The following WDR43 variants were observed in gnomAD, a reference collection of about 807,000 sequenced individuals.
The protein encoded by WDR43 is WD repeat domain 43.
WDR43 carries 13 observed loss-of-function variants against 91.4 expected under a neutral mutation model. The observed-to-expected ratio is 0.14, with a 90% CI of 0.09 to 0.23. The LOEUF is 0.23. Ranked by LOEUF, WDR43 falls within the 10% of genes least tolerant of loss-of-function variation. The pLI is 1.00. For synonymous variants in WDR43, 331 were observed against 287.9 expected (o/e 1.15, Z -1.51); for missense variants, 780 against 809.4 (o/e 0.96, Z 0.44).
In WDR43 at chr2:28,894,847, A is replaced by G. The variant is rs755625815; in HGVS notation, c.149A>G (p.Gln50Arg). 6.2e-7 allele frequency: 1 copy of G among 1,611,060 alleles called. No individual in the cohort carries two copies. The highest frequency in any genetic ancestry group is 8.5e-7 in the Non-Finnish European group (1 of 1,178,786). ...VWETANNRLH[Q>R]EYVPSAHLSG... ...GAGACGGCCAACAACCGGCTGCACC[A>G]GGAGTACGTGCCTTCCGCGCACCTC... is the stretch of plus-strand genomic sequence containing the variant. Residue 50 changes from glutamine (Q) to arginine (R), a missense_variant, in exon 1 of 18, where the codon CAG (glutamine) becomes CGG (arginine). This residue lies in a region of WDR43 where 175 missense variants were observed against 113.8 expected (regional missense o/e 1.54). Coordinates refer to ENST00000407426, the MANE Select transcript of WDR43 (RefSeq NM_015131.3).
At position 28,927,689 on chromosome 2, in the gene WDR43, G is replaced by C; in HGVS notation, c.1294G>C (p.Gly432Arg). Residue 432 changes from glycine to arginine, a missense_variant, in exon 10 of 18, where the codon GGG (glycine) becomes CGG (arginine). Around this residue, in one of 4 missense-constraint regions of WDR43, gnomAD observed 426 missense variants for 467.8 expected, o/e 0.91. Transcript: ENST00000407426. Reference protein sequence around the residue: ...TEQVESKRKSGGNEVSIEERL... With the variant: ...TEQVESKRKSRGNEVSIEERL... ...GCAAGTAGAGAGCAAGAGGAAGTCA[G>C]GGGGAAATGAGGTAATGCAACTGCT... 6.2e-7 allele frequency: 1 copy of C among 1,613,922 alleles called. No individual in the cohort carries two copies. Among genetic ancestry groups the C allele is most frequent in the Non-Finnish European group, 8.5e-7 (1 of 1,179,820 alleles).
At chr2:28,904,964 G>GA (rs1245608304) in intron 2 of WDR43, 1 of 152,212 alleles carries the variant, frequency 6.6e-6, no homozygotes, top group African/African-American at 2.4e-5. Context: ...GATGTCACAA[G>GA]ATAGCATGTG....
chr2:28,923,070 C>A, intron 7 of WDR43, 87 bp downstream of exon 7: 2 of 1,118,578 alleles, frequency 1.8e-6, no homozygotes, highest in South Asian at 1.5e-5. Flanking sequence ...TTCTTTGCAT[C>A]ATATTACTAT....
In WDR43 at chr2:28,900,888, A is replaced by G. The variant is rs149242191; in HGVS notation, c.226-1099A>G. ...GCATTTCATCTGTGTCCAATGAATC[A>G]AATTCTTTAAATGTAAAATCCCCCT... On this transcript the variant is annotated intron_variant, in intron 1 of 17. Coordinates refer to ENST00000407426, the MANE Select transcript of WDR43 (RefSeq NM_015131.3). Among the ~76,000 whole-genome samples the G allele has an allele frequency of 2.6e-3, 395 of 152,322 alleles. 1 individual carries two copies. The highest frequency in any genetic ancestry group is 9.1e-3 in the African/African-American group (378 of 41,566).
chr2:28,927,959 A>C, intron 10 of WDR43: 1 of 362,960 alleles, frequency 2.8e-6, no homozygotes, highest in Non-Finnish European at 5.0e-6. Context: ...GGGTAACATA[A>C]AATGGAATAA....
chr2:28,904,240 A>C (rs1182291763), intron 2 of WDR43, among the ~76,000 whole-genome samples: 2 of 152,194 alleles, frequency 1.3e-5, no homozygotes, highest in Non-Finnish European at 2.9e-5. Context: ...GAAAAGGACC[A>C]GGCTTTGGAG....
rs1312278025 is a variant in WDR43 at position 28,912,619 on chromosome 2, G to T, written c.515G>T (p.Ser172Ile). Residue 172 changes from serine to isoleucine, a missense_variant, in exon 4 of 18, where the codon AGT becomes ATT. By Grantham distance (142) the Ser-to-Ile change is moderately radical. Coordinates refer to ENST00000407426, the MANE Select transcript of WDR43 (RefSeq NM_015131.3). Reference sequence around the variant, plus strand: ...TGGAAAGGCGACAATAGCAGTGTCAGTTCCCTATGTATCAGCCCAGATGGA... The same window carrying T: ...TGGAAAGGCGACAATAGCAGTGTCATTTCCCTATGTATCAGCCCAGATGGA... ...CKWKGDNSSVSSLCISPDGKM... is the reference protein window; with the variant it reads ...CKWKGDNSSVISLCISPDGKM... 7 of 1,613,778 alleles carry T rather than the reference G, an allele frequency of 4.3e-6. No homozygotes were observed. Among genetic ancestry groups the T allele is most frequent in the Non-Finnish European group, 5.1e-6 (6 of 1,179,858 alleles).
At chr2:28,919,335 A>T (rs1670977091) in intron 6 of WDR43, among the ~76,000 whole-genome samples, 4 of 152,148 alleles carry the variant, frequency 2.6e-5, no homozygotes. Flanking sequence ...GCCATTGATG[A>T]TCAGATCAGT....
intron 1 of WDR43, among the ~76,000 whole-genome samples, chr2:28,899,136 A>G (rs1670535186): frequency 6.6e-6 from 1 of 152,180 alleles, no homozygotes; most frequent in African/African-American, 2.4e-5. Flanking sequence ...TTCACTTCTG[A>G]TGCCTTCAGG....
intron 14 of WDR43, among the ~76,000 whole-genome samples, chr2:28,938,358 T>A (rs1034281804): frequency 2.0e-5 from 3 of 152,200 alleles, no homozygotes; most frequent in African/African-American, 4.8e-5. Flanking sequence ...CTGTCCTGCC[T>A]TGTCCCAGGA....
rs1411224259 is a variant in WDR43, at chr2:28,946,699, G to A, written c.1954G>A (p.Glu652Lys). ...DAEGKDEENG[E>K]DRDTASEKEL... ...CGAAGGAAAAGATGAAGAAAATGGC[G>A]AGGACAGAGATACAGCAAGTGAAAA... is the stretch of plus-strand genomic sequence containing the variant. Residue 652 changes from glutamate (E) to lysine (K), a missense_variant, in exon 18 of 18, where the codon GAG becomes AAG. Transcript: ENST00000407426. 7 of 1,578,348 alleles carry A rather than the reference G, an allele frequency of 4.4e-6. No homozygotes were observed. The highest frequency in any genetic ancestry group is 2.3e-5 in the East Asian group (1 of 43,262).
In WDR43 at chr2:28,922,905, C is replaced by A; in HGVS notation, c.850-14C>A. On this transcript the variant is annotated splice_polypyrimidine_tract_variant and intron_variant, in intron 6 of 17. Coordinates refer to ENST00000407426, the MANE Select transcript of WDR43 (RefSeq NM_015131.3). ...GTTATCCATTATAATACGTTGGTTACATTTTTCTTTTAGCCTGTCAAGTTG... is the reference window on the plus strand; with the variant it reads ...GTTATCCATTATAATACGTTGGTTAAATTTTTCTTTTAGCCTGTCAAGTTG... 1 of 1,564,854 alleles carries A rather than the reference C, an allele frequency of 6.4e-7. No homozygotes were observed. The highest frequency in any genetic ancestry group is 1.4e-5 in the African/African-American group (1 of 72,452).
chr2:28,917,757 A>G (rs899594268), intron 5 of WDR43, 136 bp from the exon 6 acceptor site: 3 of 720,170 alleles, frequency 4.2e-6, no homozygotes, highest in Non-Finnish European at 6.8e-6. Flanking sequence ...ATCTTTAGTC[A>G]CTTTACTAGT....
chr2:28,896,789 A>G (rs1670488887), intron 1 of WDR43, among the ~76,000 whole-genome samples: 5 of 152,210 alleles, frequency 3.3e-5, no homozygotes, highest in Non-Finnish European at 7.4e-5. Flanking sequence ...TTCATAGCCC[A>G]GACTCAAAAC....
chr2:28,927,261 A>G (rs1572596558), intron 9 of WDR43: 2 of 478,608 alleles, frequency 4.2e-6, no homozygotes, highest in East Asian at 1.0e-4. Context: ...AGTTGAATTT[A>G]GTAGTGGGGG....
intron 7 of WDR43, among the ~76,000 whole-genome samples, chr2:28,924,685 T>C (rs1221881877): frequency 6.6e-6 from 1 of 152,002 alleles, no homozygotes; most frequent in East Asian, 1.9e-4. Context: ...ATACAGGACC[T>C]GAAGTACAGG....
At chr2:28,932,342 T>C (rs1671264047) in intron 11 of WDR43, among the ~76,000 whole-genome samples, 1 of 152,152 alleles carries the variant, frequency 6.6e-6, no homozygotes, top group African/African-American at 2.4e-5. Context: ...TTTGTATTTT[T>C]AGTAGAGACA....
chr2:28,897,771 G>A (rs912055850), intron 1 of WDR43, among the ~76,000 whole-genome samples: 16 of 152,184 alleles, frequency 1.1e-4, no homozygotes, highest in African/African-American at 3.9e-4. Flanking sequence ...GTGGTTCACA[G>A]GTGTTTAGAA....
chr2:28,916,759 C>T (rs935431205), intron 5 of WDR43, among the ~76,000 whole-genome samples: 4 of 152,102 alleles, frequency 2.6e-5, no homozygotes, highest in Admixed American at 2.0e-4. Flanking sequence ...AGCTTAGGTT[C>T]CCATGAGCCT....
Sources: gnomAD v4.1 joint callset for allele counts (sites outside exome capture counted in the v4.1 genomes callset) on GRCh38, gnomAD v4.1.1 for gene constraint, gnomAD v4.1.1 regional missense constraint, MANE v1.5 for transcripts, NCBI Gene and HGNC (gene_info 2026-07-23, HGNC 2026-07-21) for gene names.